CACNA1H: variants seen among roughly 807,000 people sequenced by gnomAD.
CACNA1H encodes the protein voltage-dependent T-type calcium channel subunit alpha-1H.
Under a neutral mutation model 192.5 loss-of-function variants are expected in CACNA1H, and 149 were observed. That is an observed-to-expected ratio of 0.77 (90% CI 0.68 to 0.89). CACNA1H has a LOEUF of 0.89. Ranked by LOEUF, CACNA1H falls within the 40% of genes least tolerant of loss-of-function variation. The pLI, the probability that CACNA1H is intolerant of heterozygous loss-of-function variation, is 0.00. For synonymous variants in CACNA1H, 2,202 were observed against 1,475.2 expected (o/e 1.49, Z -11.29); for missense variants, 4,257 against 3,423.5 (o/e 1.24, Z -6.08).
At chr16:1,200,862 G>C in intron 8 of CACNA1H, 54 bp downstream of exon 8, 1 of 1,384,090 alleles carries the variant, frequency 7.2e-7, no homozygotes, top group Non-Finnish European at 1.0e-6. Context: ...AGCTGGCTGG[G>C]GGTGGGGTGG....
At position 1,207,283 on chromosome 16, in the gene CACNA1H, C is replaced by G. The variant is rs1244063773; in HGVS notation, c.2916C>G (p.Thr972=). 1 of 1,607,684 alleles carries G rather than the reference C, an allele frequency of 6.2e-7. No individual in the cohort carries two copies. Among genetic ancestry groups the G allele is most frequent in the Admixed American group, 1.7e-5 (1 of 59,338 alleles). The change falls in exon 14 of 35, where the codon ACC becomes ACG. Residue 972 remains threonine, a synonymous_variant. Transcript: ENST00000348261. ...WAIVTVFQIL[T]QEDWNVVLYN... ...CCCCTGCTATCCCCCAGATCCTGACCCAGGAGGACTGGAACGTGGTCCTGT... is the reference window on the plus strand; with the variant it reads ...CCCCTGCTATCCCCCAGATCCTGACGCAGGAGGACTGGAACGTGGTCCTGT...
In CACNA1H at chr16:1,221,150, C is replaced by T. The variant is rs948751017; in HGVS notation, c.*156C>T. 13 of 592,920 alleles carry T rather than the reference C, an allele frequency of 2.2e-5. No homozygotes were observed. Among genetic ancestry groups the T allele is most frequent in the Admixed American group, 9.6e-5 (3 of 31,228 alleles). 36.7% of individuals were successfully genotyped at this position (592,920 alleles called of 1,614,324 possible). ...ACGGCCCAGGCCCTGGTTCTCTGCC[C>T]AGCGAAGCAGGAGTAGCTGCCGGGC... is the stretch of plus-strand genomic sequence containing the variant. On this transcript the variant is annotated 3_prime_UTR_variant, in exon 35 of 35. Coordinates refer to ENST00000348261, the MANE Select transcript of CACNA1H (RefSeq NM_021098.3).
At chr16:1,178,672 G>A (rs1004411298) in intron 2 of CACNA1H, among the ~76,000 whole-genome samples, 1 of 152,110 alleles carries the variant, frequency 6.6e-6, no homozygotes, top group East Asian at 1.9e-4. Context: ...AGCCCCAAAG[G>A]GGCCACACTG....
intron 2 of CACNA1H, among the ~76,000 whole-genome samples, chr16:1,176,158 A>G (rs549825155): frequency 6.6e-6 from 1 of 152,322 alleles, no homozygotes; most frequent in South Asian, 2.1e-4. Context: ...TTTCAGCCTA[A>G]CCCATTAAAC....
At chr16:1,183,071 C>G (rs1345663263) in intron 2 of CACNA1H, among the ~76,000 whole-genome samples, 1 of 146,564 alleles carries the variant, frequency 6.8e-6, no homozygotes, top group East Asian at 2.1e-4. Context: ...CCTCTGTGAC[C>G]CGACACCCCC....
Position 1,210,424 on chromosome 16 carries a change from C to G in CACNA1H, c.3900C>G (p.Val1300=), listed in dbSNP as rs747491713. 6.7e-7 allele frequency: 1 copy of G among 1,483,626 alleles called. No homozygotes were observed. Among genetic ancestry groups the G allele is most frequent in the East Asian group, 3.0e-5 (1 of 33,292 alleles). The allele number at this position is 1,483,626 out of a possible 1,614,324, so 91.9% of individuals were successfully genotyped here. ...VITHKMFDHV[V]LVFIFLNCVT... is the part of the protein sequence containing the mutation. Reference sequence around the variant, plus strand: ...CACACAAGATGTTTGATCACGTGGTCCTCGTCTTCATCTTCCTCAACTGCG... The same window carrying G: ...CACACAAGATGTTTGATCACGTGGTGCTCGTCTTCATCTTCCTCAACTGCG... The change falls in exon 19 of 35, where the codon GTC becomes GTG. Residue 1300 remains valine (V), a synonymous_variant. Transcript: ENST00000348261.
intron 25 of CACNA1H, 83 bp from the exon 26 acceptor site, chr16:1,212,428 C>G (rs753041244): frequency 7.3e-5 from 103 of 1,404,572 alleles, no homozygotes; most frequent in Non-Finnish European, 7.1e-5. Flanking sequence ...CCCCGAGACA[C>G]GGGGGCTGAG....
At chr16:1,206,013 G>C (rs1968660938) in intron 11 of CACNA1H, 91 bp from the exon 12 acceptor site, 1 of 1,269,792 alleles carries the variant, frequency 7.9e-7, no homozygotes, top group Non-Finnish European at 1.1e-6. Flanking sequence ...GGCCGCTGTG[G>C]CTCCCTGGCT....
At chr16:1,213,022 C>T (rs896403350) in intron 26 of CACNA1H, among the ~76,000 whole-genome samples, 8 of 152,202 alleles carry the variant, frequency 5.3e-5, no homozygotes, top group Non-Finnish European at 1.2e-4. Context: ...TGGCAGCTCA[C>T]GCCTTCACCC....
At chr16:1,177,404 T>C (rs1459283939) in intron 2 of CACNA1H, among the ~76,000 whole-genome samples, 1 of 152,136 alleles carries the variant, frequency 6.6e-6, no homozygotes, top group Admixed American at 6.5e-5. Flanking sequence ...GGGGACGGCG[T>C]CTGACCGAGG....
chr16:1,217,047 G>A (rs1205921492), intron 31 of CACNA1H, 37 bp downstream of exon 31: 2 of 1,535,066 alleles, frequency 1.3e-6, no homozygotes, highest in Non-Finnish European at 1.8e-6. Flanking sequence ...GGCACACATG[G>A]GGTCCTGACA....
chr16:1,202,908 C>T (rs1172314341), intron 9 of CACNA1H, among the ~76,000 whole-genome samples: 1 of 152,024 alleles, frequency 6.6e-6, no homozygotes, highest in Non-Finnish European at 1.5e-5. Context: ...CGCAGAGTCA[C>T]CGAGAGTCAG....
At chr16:1,193,339 G>A (rs1034334385) in intron 2 of CACNA1H, among the ~76,000 whole-genome samples, 15 of 152,256 alleles carry the variant, frequency 9.9e-5, no homozygotes, top group African/African-American at 1.7e-4. Flanking sequence ...CACTAGTGCC[G>A]GGTCAGGAGG....
chr16:1,215,698 G>T (rs970015332), intron 30 of CACNA1H, 105 bp downstream of exon 30: 2 of 905,942 alleles, frequency 2.2e-6, no homozygotes, highest in Non-Finnish European at 1.7e-6. Context: ...CTGGTCCCTC[G>T]GTTGTGTGGT....
intron 2 of CACNA1H, among the ~76,000 whole-genome samples, chr16:1,187,205 G>A (rs974846887): frequency 1.5e-4 from 23 of 152,278 alleles, no homozygotes; most frequent in African/African-American, 4.8e-4. Context: ...GGGGCCGGGA[G>A]GGGAGGAGGC....
rs1302873374 is a variant in CACNA1H at position 1,200,208 on chromosome 16, T to A, written c.804-48T>A. The stretch of plus-strand genomic sequence containing the variant: ...ACAATCGTGCCCCCGACTCTGACCG[T>A]CCCTGACCCTGATTGTACCTTTTGG... On this transcript the variant is annotated intron_variant, in intron 6 of 34. Transcript: ENST00000348261. The A allele has an allele frequency of 3.4e-6, 5 of 1,491,700 alleles. No individual in the cohort carries two copies. The Admixed American group carries it at 6.2e-5, about 19-fold the overall frequency. The allele number at this position is 1,491,700 out of a possible 1,614,324, so 92.4% of individuals were successfully genotyped here.
At chr16:1,194,875 C>T in intron 2 of CACNA1H, 97 bp from the exon 3 acceptor site, 1 of 883,680 alleles carries the variant, frequency 1.1e-6, no homozygotes, top group Non-Finnish European at 1.9e-6. Context: ...GCGCGCACAC[C>T]CGTGGCGGGG....
chr16:1,168,518 G>A (rs749782026), intron 2 of CACNA1H, among the ~76,000 whole-genome samples: 2 of 152,130 alleles, frequency 1.3e-5, no homozygotes, highest in South Asian at 4.2e-4. Flanking sequence ...TCACCCCAGA[G>A]CTGGGGAGAT....
In CACNA1H at chr16:1,207,868, T is replaced by G; in HGVS notation, c.3154+8T>G. On this transcript the variant is annotated splice_region_variant and intron_variant, in intron 15 of 34. Coordinates refer to ENST00000348261, the MANE Select transcript of CACNA1H (RefSeq NM_021098.3). ...GAGAACTCCAGACCACAGGTGCGTGTGGTCGGTGGGTGGTCCGGGTTCTGG... is the reference window on the plus strand; with the variant it reads ...GAGAACTCCAGACCACAGGTGCGTGGGGTCGGTGGGTGGTCCGGGTTCTGG... The G allele has an allele frequency of 6.3e-7, 1 of 1,581,974 alleles. No homozygotes were observed. Among genetic ancestry groups the G allele is most frequent in the Non-Finnish European group, 8.6e-7 (1 of 1,164,576 alleles).
Sources: allele counts gnomAD v4.1 joint callset (sites outside exome capture counted in the v4.1 genomes callset), GRCh38; gene constraint gnomAD v4.1.1; transcripts MANE v1.5; gene names NCBI Gene and HGNC (gene_info 2026-07-23, HGNC 2026-07-21).